NBEAL1: variants seen among roughly 807,000 people sequenced by gnomAD.
NBEAL1 encodes the protein neurobeachin-like protein 1.
NBEAL1 carries 273 observed loss-of-function variants against 351.3 expected under a neutral mutation model. The ratio of observed to expected loss-of-function variants is 0.78; its 90% CI spans 0.70 to 0.86. NBEAL1 has a LOEUF of 0.86. Among genes scored for constraint, NBEAL1 ranks in the 40% least tolerant of loss-of-function variants. The probability of loss-of-function intolerance (pLI) is 0.00; values close to 1 mark genes in which losing one functional copy is unlikely to be tolerated. For synonymous variants in NBEAL1, 1,050 were observed against 1,086.4 expected (o/e 0.97, Z 0.66); for missense variants, 2,961 against 3,201.3 (o/e 0.92, Z 1.81).
intron 2 of NBEAL1, among the ~76,000 whole-genome samples, chr2:203,035,649 G>A (rs2061030035): frequency 6.7e-6 from 1 of 149,052 alleles, no homozygotes; most frequent in Non-Finnish European, 1.5e-5. Context: ...AGCCCATGAG[G>A]TAGGAAGTAT....
chr2:203,100,286 A>C (rs952108677), intron 12 of NBEAL1, among the ~76,000 whole-genome samples: 3 of 152,146 alleles, frequency 2.0e-5, no homozygotes, highest in Non-Finnish European at 4.4e-5. Context: ...TGCCAGGTTG[A>C]ATGGTAATTC....
chr2:203,210,855 A>G (rs1391013166), intron 53 of NBEAL1, 103 bp from the exon 54 acceptor site: 2 of 578,884 alleles, frequency 3.5e-6, no homozygotes, highest in Non-Finnish European at 5.7e-6. Flanking sequence ...TTATCCTAAA[A>G]TGTTAAGCCA....
At chr2:203,198,239 C>T (rs2105802173) in intron 48 of NBEAL1, among the ~76,000 whole-genome samples, 1 of 151,914 alleles carries the variant, frequency 6.6e-6, no homozygotes, top group Middle Eastern at 3.4e-3. Flanking sequence ...TCTCAAACTC[C>T]TGAGCTCAAG....
At position 203,117,239 on chromosome 2, in the gene NBEAL1, C is replaced by T. The variant is rs187431149; in HGVS notation, c.2592+1169C>T. Among the ~76,000 whole-genome samples the T allele has an allele frequency of 5.6e-3, 859 of 152,214 alleles. 11 individuals carry two copies. The highest frequency in any genetic ancestry group is 0.019 in the African/African-American group (802 of 41,548). ...CAGCACTTTGGGAGACCGAGGCGGG[C>T]GGATCACGAGGTTAGGAGATCGAGA... On this transcript the variant is annotated intron_variant, in intron 18 of 55. Coordinates refer to ENST00000683969, the MANE Select transcript of NBEAL1 (RefSeq NM_001378026.1).
chr2:203,118,069 G>C (rs923662034), intron 18 of NBEAL1, among the ~76,000 whole-genome samples: 4 of 152,024 alleles, frequency 2.6e-5, no homozygotes, highest in Non-Finnish European at 5.9e-5. Context: ...TTTTTGCTGT[G>C]ATACATTTCA....
rs983550050 is a variant in NBEAL1 at position 203,068,379 on chromosome 2, C to A, written c.516-14C>A. 1.4e-6 allele frequency: 2 copies of A among 1,444,724 alleles called. No individual in the cohort carries two copies. Among genetic ancestry groups the A allele is most frequent in the East Asian group, 2.5e-5 (1 of 39,358 alleles). 89.5% of individuals were successfully genotyped at this position (1,444,724 alleles called of 1,614,324 possible). ...CCATGTTGTAACTTATTATTAACTT[C>A]TTTTTAATGATAGACGAATCCTTAG... On this transcript the variant is annotated splice_polypyrimidine_tract_variant and intron_variant, in intron 6 of 55. Coordinates refer to ENST00000683969, the MANE Select transcript of NBEAL1 (RefSeq NM_001378026.1).
intron 10 of NBEAL1, among the ~76,000 whole-genome samples, chr2:203,089,717 G>C (rs2062029497): frequency 6.6e-6 from 1 of 152,150 alleles, no homozygotes; most frequent in South Asian, 2.1e-4. Flanking sequence ...TTAAAGGTCA[G>C]TCTTATGTTA....
At chr2:203,132,402 G>T (rs1181296494) in intron 26 of NBEAL1, among the ~76,000 whole-genome samples, 1 of 152,216 alleles carries the variant, frequency 6.6e-6, no homozygotes, top group Non-Finnish European at 1.5e-5. Context: ...ATGTGCAAAA[G>T]ATTGTTTTTT....
chr2:203,167,992 AG>A (rs1381158557), intron 38 of NBEAL1, among the ~76,000 whole-genome samples: 1 of 152,220 alleles, frequency 6.6e-6, no homozygotes, highest in Admixed American at 6.5e-5. Context: ...GCTTTTCAGA[AG>A]ACTCACATTA....
chr2:203,166,040 G>A, intron 36 of NBEAL1, 109 bp from the exon 37 acceptor site: 1 of 1,046,258 alleles, frequency 9.6e-7, no homozygotes, highest in Non-Finnish European at 1.3e-6. Context: ...GCAAGACCTT[G>A]TCTCAAAAAA....
At chr2:203,066,490 C>G (rs921722429) in intron 6 of NBEAL1, among the ~76,000 whole-genome samples, 2 of 152,148 alleles carry the variant, frequency 1.3e-5, no homozygotes, top group African/African-American at 4.8e-5. Flanking sequence ...TACACAGACA[C>G]AGTAACAATC....
intron 7 of NBEAL1, among the ~76,000 whole-genome samples, chr2:203,076,486 C>CA (rs1559349046): frequency 0.051 from 465 of 9,130 alleles, 10 homozygotes; most frequent in Middle Eastern, 0.25. Flanking sequence ...CAAAAACAAA[C>CA]AAACAAACAA....
At chr2:203,083,894 A>G (rs1438318514) in intron 9 of NBEAL1, among the ~76,000 whole-genome samples, 3 of 152,108 alleles carry the variant, frequency 2.0e-5, no homozygotes, top group Non-Finnish European at 2.9e-5. Context: ...ATGTGCCTCT[A>G]TAACATCTCT....
In NBEAL1 at chr2:203,202,700, C is replaced by T. The variant is rs1324742209; in HGVS notation, c.7425C>T (p.Cys2475=). 2 of 1,588,094 alleles carry T rather than the reference C, an allele frequency of 1.3e-6. No homozygotes were observed. Among genetic ancestry groups the T allele is most frequent in the Non-Finnish European group, 1.7e-6 (2 of 1,156,946 alleles). Residue 2475 remains cysteine, a synonymous_variant, in exon 51 of 56, where the codon TGC becomes TGT. Transcript: ENST00000683969. ...HIIRHMDIVT[C]LATDYCGIHL... ...CTTTTCTTACAGATATTGTGACTTG[C>T]TTAGCTACAGATTACTGTGGAATAC... is the stretch of plus-strand genomic sequence containing the variant.
chr2:203,100,890 T>C (rs1259440662), intron 12 of NBEAL1, among the ~76,000 whole-genome samples: 1 of 152,138 alleles, frequency 6.6e-6, no homozygotes, highest in Non-Finnish European at 1.5e-5. Context: ...CTTTGCGCAC[T>C]TTTTAGTCGG....
intron 46 of NBEAL1, among the ~76,000 whole-genome samples, chr2:203,191,716 T>G (rs1485428531): frequency 6.6e-6 from 1 of 152,214 alleles, no homozygotes; most frequent in Non-Finnish European, 1.5e-5. Context: ...AAATACTTTT[T>G]CTATGTTTAC....
intron 43 of NBEAL1, 71 bp downstream of exon 43, chr2:203,180,583 C>A: frequency 7.3e-7 from 1 of 1,364,458 alleles, no homozygotes; most frequent in Non-Finnish European, 9.9e-7. Context: ...TCTTTCAGGA[C>A]ATTTTTGTAA....
intron 44 of NBEAL1, 41 bp from the exon 45 acceptor site, chr2:203,188,431 A>G: frequency 9.7e-7 from 1 of 1,032,920 alleles, no homozygotes; most frequent in Non-Finnish European, 1.4e-6. Flanking sequence ...TGTAGTTGGA[A>G]GATATCTCTA....
Position 203,049,822 on chromosome 2 carries a change from A to T in NBEAL1, c.152A>T (p.Asp51Val), listed in dbSNP as rs2061295890. ...DFEKLPTRVD[D>V]MPPGISLLPD... is the part of the protein sequence containing the mutation. ...TTCCCTTTCTGTTGTAGGGTAGATG[A>T]TATGCCTCCAGGAATATCTCTGCTT... The change falls in exon 4 of 56, where the codon GAT becomes GTT. Residue 51 changes from aspartate (D) to valine (V), a missense_variant. By Grantham distance (152) the Asp-to-Val change is radical. Transcript: ENST00000683969. The T allele has an allele frequency of 6.4e-7, 1 of 1,550,912 alleles. No individual in the cohort carries two copies. Among genetic ancestry groups the T allele is most frequent in the African/African-American group, 1.4e-5 (1 of 73,332 alleles).
Sources: allele counts gnomAD v4.1 joint callset (sites outside exome capture counted in the v4.1 genomes callset), GRCh38; gene constraint gnomAD v4.1.1; transcripts MANE v1.5; gene names NCBI Gene and HGNC (gene_info 2026-07-23, HGNC 2026-07-21).